The following PRPF40B variants were observed in gnomAD, a reference collection of about 807,000 sequenced individuals.
The protein encoded by PRPF40B is pre-mRNA-processing factor 40 homolog B.
In PRPF40B, 56 loss-of-function variants were observed where a neutral mutation model predicts 124.5. The ratio of observed to expected loss-of-function variants is 0.45; its 90% CI spans 0.36 to 0.56. The LOEUF (loss-of-function observed/expected upper bound fraction) is 0.56. Ranked by LOEUF, PRPF40B falls within the 20% of genes least tolerant of loss-of-function variation. PRPF40B has a pLI of 0.00. For synonymous variants in PRPF40B, 443 were observed against 426.4 expected (o/e 1.04, Z -0.48); for missense variants, 1,053 against 1,169.5 (o/e 0.90, Z 1.45).
At position 49,631,510 on chromosome 12, in the gene PRPF40B, T is replaced by A. The variant is rs758124989; in HGVS notation, c.194T>A (p.Leu65His). The change falls in exon 3 of 26, where the codon CTT becomes CAT. Residue 65 changes from leucine to histidine, a missense_variant. This residue lies in a region of PRPF40B where 158 missense variants were observed against 117.3 expected (regional missense o/e 1.35). Transcript: ENST00000548825. The surrounding 1 kb of genome is among the most constrained non-coding windows in gnomAD (Gnocchi z 4.3). ...PMPPGILPPM[L>H]PPMGAPPPLT... is the part of the protein sequence containing the mutation. Reference sequence around the variant, plus strand: ...CCACCTGGCATCCTGCCCCCAATGCTTCCACCAATGGGGGCGCCACCACCA... The same window carrying A: ...CCACCTGGCATCCTGCCCCCAATGCATCCACCAATGGGGGCGCCACCACCA... The A allele has an allele frequency of 6.5e-7, 1 of 1,547,344 alleles. No individual in the cohort carries two copies. The highest frequency in any genetic ancestry group is 8.7e-7 in the Non-Finnish European group (1 of 1,153,082).
At chr12:49,632,437 T>C in intron 4 of PRPF40B, 159 bp from the exon 5 acceptor site, 2 of 738,586 alleles carry the variant, frequency 2.7e-6, no homozygotes, top group Non-Finnish European at 4.6e-6. Flanking sequence ...ATCCCAGAGC[T>C]ATGGCCCTGA....
Position 49,637,802 on chromosome 12 carries a change from A to T in PRPF40B, c.1745A>T (p.Lys582Met). 6.2e-7 allele frequency: 1 copy of T among 1,610,790 alleles called. No homozygotes were observed. The highest frequency in any genetic ancestry group is 8.5e-7 in the Non-Finnish European group (1 of 1,177,120). Reference protein sequence around the residue: ...ELKARFHDEKKIIKDILKDRG... With the variant: ...ELKARFHDEKMIIKDILKDRG... The stretch of plus-strand genomic sequence containing the variant: ...AAGGCACGATTCCATGATGAAAAGA[A>T]GATCATTAAGGACATCCTTAAGGTG... Residue 582 changes from lysine (K) to methionine (M), a missense_variant, in exon 18 of 26, where the codon AAG (lysine) becomes ATG (methionine). Physicochemically the swap from Lys to Met is moderately conservative, Grantham distance 95. Coordinates refer to ENST00000548825, the MANE Select transcript of PRPF40B (RefSeq NM_001031698.3).
intron 16 of PRPF40B, 117 bp downstream of exon 16, chr12:49,636,966 C>T: frequency 6.8e-7 from 1 of 1,473,206 alleles, no homozygotes; most frequent in Non-Finnish European, 9.2e-7. Context: ...CTAGCCCTGT[C>T]CAAGCTCTAT....
chr12:49,626,016 C>T (rs1940677312), intron 1 of PRPF40B, among the ~76,000 whole-genome samples: 1 of 152,196 alleles, frequency 6.6e-6, no homozygotes, highest in East Asian at 1.9e-4. Flanking sequence ...CAGAGGTCTT[C>T]ATCCCAAGTT....
chr12:49,623,507 G>A (rs1379638390), upstream of PRPF40B: 1 of 1,232,688 alleles, frequency 8.1e-7, no homozygotes, highest in Non-Finnish European at 1.0e-6. Flanking sequence ...CGCCGGCCCC[G>A]CCCTCCCGGC....
Position 49,643,858 on chromosome 12 carries a change from C to A in PRPF40B, c.2443-3C>A. 6.2e-7 allele frequency: 1 copy of A among 1,614,160 alleles called. No individual in the cohort carries two copies. The highest frequency in any genetic ancestry group is 1.1e-5 in the South Asian group (1 of 91,080). On this transcript the variant is annotated splice_region_variant and splice_polypyrimidine_tract_variant and intron_variant, in intron 24 of 25. Coordinates refer to ENST00000548825, the MANE Select transcript of PRPF40B (RefSeq NM_001031698.3). ...TGAGGAGGTGGGCTCTGGACTCTTA[C>A]AGAATAGTCCTGAGAGTGAGACAGA... is the stretch of plus-strand genomic sequence containing the variant.
At position 49,644,574 on chromosome 12, in the gene PRPF40B, G is replaced by A; in HGVS notation, c.*382G>A. 1 of 245,164 alleles carries A rather than the reference G, an allele frequency of 4.1e-6. No homozygotes were observed. The highest frequency in any genetic ancestry group is 8.2e-6 in the Non-Finnish European group (1 of 122,644). The allele number at this position is 245,164 out of a possible 1,614,324, so 15.2% of individuals were successfully genotyped here. The stretch of plus-strand genomic sequence containing the variant: ...ATCAGTGCCTGCTCCTGCCTGCCCT[G>A]GCCCTGAGGCTCCACCACTTCTTCC... On this transcript the variant is annotated 3_prime_UTR_variant, in exon 26 of 26. Transcript: ENST00000548825.
At position 49,637,600 on chromosome 12, in the gene PRPF40B, T is replaced by G. The variant is rs371192317; in HGVS notation, c.1675+16T>G. The G allele has an allele frequency of 6.8e-6, 11 of 1,606,952 alleles. No individual in the cohort carries two copies. The highest frequency in any genetic ancestry group is 9.4e-6 in the Non-Finnish European group (11 of 1,175,054). Reference sequence around the variant, plus strand: ...GGCCAGCCGGGTAAGGCAGCCAGGCTCCCCCTTCTCTGGCCTGGCTTCCTG... The same window carrying G: ...GGCCAGCCGGGTAAGGCAGCCAGGCGCCCCCTTCTCTGGCCTGGCTTCCTG... On this transcript the variant is annotated intron_variant, in intron 17 of 25. Transcript: ENST00000548825.
chr12:49,637,884 A>C, intron 18 of PRPF40B, 60 bp downstream of exon 18: 2 of 1,378,734 alleles, frequency 1.5e-6, no homozygotes, highest in Admixed American at 3.5e-5. Context: ...CTCCCTGCAG[A>C]GGACTCCCTG....
At chr12:49,632,528 C>T in intron 4 of PRPF40B, 68 bp from the exon 5 acceptor site, 1 of 1,534,280 alleles carries the variant, frequency 6.5e-7, no homozygotes, top group Non-Finnish European at 8.9e-7. Context: ...TTCTCCATCC[C>T]CCATGGCCTG....
At chr12:49,623,521 G>C (rs1940386859), upstream of PRPF40B, 5 of 1,241,550 alleles carry the variant, frequency 4.0e-6, no homozygotes, top group Non-Finnish European at 4.0e-6. Flanking sequence ...TCCCGGCTGC[G>C]GCCTGGCCAA....
chr12:49,623,149 AACTT>A (rs1230310800), upstream of PRPF40B, among the ~76,000 whole-genome samples: 1 of 151,936 alleles, frequency 6.6e-6, no homozygotes, highest in Non-Finnish European at 1.5e-5. Flanking sequence ...GGAGTTAACT[AACTT>A]AAAAGTACTG....
intron 1 of PRPF40B, chr12:49,623,994 C>T (rs1940460904): frequency 9.8e-7 from 1 of 1,019,988 alleles, no homozygotes; most frequent in Admixed American, 5.8e-5. Flanking sequence ...TGCCCTTCCC[C>T]CAGCCCCAGC....
intron 11 of PRPF40B, 21 bp from the exon 12 acceptor site, chr12:49,634,517 C>T (rs765605454): frequency 1.2e-6 from 2 of 1,614,246 alleles, no homozygotes; most frequent in South Asian, 2.2e-5. Context: ...GGCCCCATGA[C>T]TCCCACCTGC....
chr12:49,632,464 G>T (rs1941312900), intron 4 of PRPF40B, 132 bp from the exon 5 acceptor site: 3 of 979,044 alleles, frequency 3.1e-6, no homozygotes, highest in Non-Finnish European at 4.6e-6. Flanking sequence ...GGGGAAGCCT[G>T]TTAGGGAGCA....
rs201178215 is a variant in PRPF40B at position 49,636,775 on chromosome 12, G to A, written c.1486G>A (p.Glu496Lys). The change falls in exon 16 of 26, where the codon GAA becomes AAA. Residue 496 changes from glutamate to lysine, a missense_variant. Coordinates refer to ENST00000548825, the MANE Select transcript of PRPF40B (RefSeq NM_001031698.3). ...FEEHIRALEREEEEERERARL... is the reference protein window; with the variant it reads ...FEEHIRALERKEEEERERARL... ...GGAGCACATCCGAGCTTTGGAGAGG[G>A]AAGAGGAGGAGGAACGGGAGCGGGC... 155 of 1,614,128 alleles carry A rather than the reference G, an allele frequency of 9.6e-5. No homozygotes were observed. The highest frequency in any genetic ancestry group is 1.3e-4 in the Non-Finnish European group (150 of 1,180,054).
intron 7 of PRPF40B, 24 bp from the exon 8 acceptor site, chr12:49,633,403 G>A: frequency 1.2e-6 from 2 of 1,613,916 alleles, no homozygotes; most frequent in Non-Finnish European, 1.7e-6. Context: ...TCCCACTGAT[G>A]GCTCCTATCC....
In PRPF40B at chr12:49,634,463, AG is replaced by A. The variant is rs1359886350; in HGVS notation, c.936+9del. 1 of 1,614,000 alleles carries A rather than the reference AG, an allele frequency of 6.2e-7. No individual in the cohort carries two copies. Among genetic ancestry groups the A allele is most frequent in the African/African-American group, 1.3e-5 (1 of 74,934 alleles). ...GAACTGCTGAGGGACAAGGTGCTGGAGTGGGGCTCCCAGGGAAGGTTTGGAG... is the reference window on the plus strand; with the variant it reads ...GAACTGCTGAGGGACAAGGTGCTGGATGGGGCTCCCAGGGAAGGTTTGGAG... On this transcript the variant is annotated intron_variant, in intron 11 of 25. Coordinates refer to ENST00000548825, the MANE Select transcript of PRPF40B (RefSeq NM_001031698.3).
rs1479757589 is a variant in PRPF40B at position 49,631,873 on chromosome 12, T to G, written c.242T>G (p.Val81Gly). 1.9e-6 allele frequency: 3 copies of G among 1,614,132 alleles called. No individual in the cohort carries two copies. Among genetic ancestry groups the G allele is most frequent in the Non-Finnish European group, 2.5e-6 (3 of 1,179,962 alleles). Residue 81 changes from valine (V) to glycine (G), a missense_variant, in exon 4 of 26, where the codon GTA becomes GGA. Physicochemically the swap from Val to Gly is moderately radical, Grantham distance 109. This residue lies in a region of PRPF40B where 895 missense variants were observed against 1,052.2 expected (regional missense o/e 0.85). Coordinates refer to ENST00000548825, the MANE Select transcript of PRPF40B (RefSeq NM_001031698.3). This position sits in a 1 kb window ranked among gnomAD's most constrained non-coding sequence, Gnocchi z 4.3. The stretch of plus-strand genomic sequence containing the variant: ...TTGTATCCATAGATACCAGGAATGG[T>G]ACCTCCGATGATGCCAGGAATGCTG... ...PPPLTQIPGMVPPMMPGMLMP... is the reference protein window; with the variant it reads ...PPPLTQIPGMGPPMMPGMLMP...
Sources: gnomAD v4.1 joint callset for allele counts (sites outside exome capture counted in the v4.1 genomes callset) on GRCh38, gnomAD v4.1.1 for gene constraint, gnomAD v4.1.1 regional missense constraint, Gnocchi (gnomAD v3.1) non-coding constraint, MANE v1.5 for transcripts, NCBI Gene and HGNC (gene_info 2026-07-23, HGNC 2026-07-21) for gene names.